CBX8: variants seen among roughly 807,000 people sequenced by gnomAD.
CBX8 encodes the protein chromobox protein homolog 8.
CBX8 carries 8 observed loss-of-function variants against 39.7 expected under a neutral mutation model. The observed-to-expected ratio is 0.20, with a 90% CI of 0.12 to 0.36. CBX8 has a LOEUF of 0.36. Ranked by LOEUF, CBX8 falls within the 10% of genes least tolerant of loss-of-function variation. CBX8 has a pLI of 1.00. For missense variants in CBX8, 505 were observed against 529.6 expected (o/e 0.95, Z 0.46); for synonymous variants, 268 against 219.8 (o/e 1.22, Z -1.94).
rs1003275679 is a variant in CBX8, at chr17:79,796,403, C to CATTGT, written c.113+89_114-89dup. ...TGTGTGTGTGTAACTTTTCTCATTG[C>CATTGT]ATTGTATTGTATTTCAATGTAAAGG... On this transcript the variant is annotated intron_variant, in intron 2 of 4. Transcript: ENST00000269385. The CATTGT allele has an allele frequency of 1.0e-5, 16 of 1,593,354 alleles. No homozygotes were observed. In the African/African-American group the frequency reaches 1.9e-4, roughly 19 times the overall value.
chr17:79,796,483 T>C lies in CBX8; in HGVS notation c.113+14A>G, dbSNP rs1385503705. 4.3e-6 allele frequency: 7 copies of C among 1,614,010 alleles called. No individual in the cohort carries two copies. Among genetic ancestry groups the C allele is most frequent in the East Asian group, 4.5e-5 (2 of 44,892 alleles). ...TAACAGTCTGGGGTTGAGAATTGCATATAACCTACTTACTTCTGCGACCAT... is the reference window on the plus strand; with the variant it reads ...TAACAGTCTGGGGTTGAGAATTGCACATAACCTACTTACTTCTGCGACCAT... On this transcript the variant is annotated intron_variant, in intron 2 of 4. Coordinates refer to ENST00000269385, the MANE Select transcript of CBX8 (RefSeq NM_020649.3).
Position 79,795,566 on chromosome 17 carries a change from AGAG to A in CBX8, c.247-11_247-9del. On this transcript the variant is annotated splice_polypyrimidine_tract_variant and intron_variant, in intron 4 of 4. Coordinates refer to ENST00000269385, the MANE Select transcript of CBX8 (RefSeq NM_020649.3). This position sits in a 1 kb window ranked among gnomAD's most constrained non-coding sequence, Gnocchi z 5.8. ...CTTTGCCTTGGCCTGCGCCTGCAGG[AGAG>A]AAGATGGTCTCAAGAGTGGGGCAGG... is the stretch of plus-strand genomic sequence containing the variant. The A allele has an allele frequency of 6.6e-7, 1 of 1,507,592 alleles. No individual in the cohort carries two copies. Among genetic ancestry groups the A allele is most frequent in the Non-Finnish European group, 8.8e-7 (1 of 1,130,086 alleles). The allele number at this position is 1,507,592 out of a possible 1,614,324, so 93.4% of individuals were successfully genotyped here.
chr17:79,792,680 C>A lies in CBX8; in HGVS notation c.*1955G>T, dbSNP rs2145837033. 6.6e-6 allele frequency: 1 copy of A among 152,332 alleles called. No homozygotes were observed. The highest frequency in any genetic ancestry group is 2.1e-4 in the South Asian group (1 of 4,830). 9.4% of individuals were successfully genotyped at this position (152,332 alleles called of 1,614,324 possible). A position where few individuals can be genotyped will look rare whatever the true frequency, so the allele number is the denominator to read the frequency against. On this transcript the variant is annotated 3_prime_UTR_variant, in exon 5 of 5. Transcript: ENST00000269385. ...CTTCTTTATACAAAGTCTAAAATAC[C>A]AGTTTTACAAATGTGAGTAGATAAA... is the stretch of plus-strand genomic sequence containing the variant.
rs915986116 is a variant in CBX8, at chr17:79,794,425, T to A, written c.*210A>T. On this transcript the variant is annotated 3_prime_UTR_variant, in exon 5 of 5. Transcript: ENST00000269385. The stretch of plus-strand genomic sequence containing the variant: ...AGATATTTTTCTTAAATAACATATT[T>A]ACATCTAATAGAAAATATAACTCTA... 4.1e-5 allele frequency: 15 copies of A among 368,398 alleles called. No homozygotes were observed. Among genetic ancestry groups the A allele is most frequent in the African/African-American group, 2.9e-4 (14 of 47,660 alleles). The allele number at this position is 368,398 out of a possible 1,614,324, so 22.8% of individuals were successfully genotyped here. A position where few individuals can be genotyped will look rare whatever the true frequency, so the allele number is the denominator to read the frequency against.
intron 2 of CBX8, 56 bp from the exon 3 acceptor site, chr17:79,796,371 G>GA: frequency 1.3e-6 from 2 of 1,593,528 alleles, no homozygotes; most frequent in Non-Finnish European, 1.7e-6. Flanking sequence ...TGAGAGCAGA[G>GA]GGGGTGTGTG....
In CBX8 at chr17:79,795,303, G is replaced by C; in HGVS notation, c.502C>G (p.Arg168Gly). The C allele has an allele frequency of 6.3e-7, 1 of 1,588,238 alleles. No homozygotes were observed. Among genetic ancestry groups the C allele is most frequent in the African/African-American group, 1.3e-5 (1 of 74,748 alleles). Residue 168 changes from arginine (R) to glycine (G), a missense_variant, in exon 5 of 5, where the codon CGA (arginine) becomes GGA (glycine). Arg to Gly is a moderately radical substitution (Grantham distance 125). This residue lies in a region of CBX8 where 456 missense variants were observed against 389.2 expected (regional missense o/e 1.17). Coordinates refer to ENST00000269385, the MANE Select transcript of CBX8 (RefSeq NM_020649.3). The surrounding 1 kb of genome is among the most constrained non-coding windows in gnomAD (Gnocchi z 5.8). ...RERDRERERE[R>G]ERERERERER... ...CTCTCACGTTCCCGCTCCCTCTCTC[G>C]CTCCCTCTCCCTTTCTCGATCCCGC...
chr17:79,792,879 C>T lies in CBX8; in HGVS notation c.*1756G>A, dbSNP rs1231828918. 6.6e-6 allele frequency: 1 copy of T among 152,040 alleles called. No homozygotes were observed. Among genetic ancestry groups the T allele is most frequent in the Admixed American group, 6.5e-5 (1 of 15,280 alleles). The allele number at this position is 152,040 out of a possible 1,614,324, so 9.4% of individuals were successfully genotyped here. On this transcript the variant is annotated 3_prime_UTR_variant, in exon 5 of 5. Coordinates refer to ENST00000269385, the MANE Select transcript of CBX8 (RefSeq NM_020649.3). ...AGGCTGGGGTTCCCTCCCAGCACCC[C>T]CCACCCCACGCGAAGCTCCCCCACC...
rs200821578 is a variant in CBX8, at chr17:79,795,333, G to A, written c.472C>T (p.Arg158Trp). The change falls in exon 5 of 5, where the codon CGG (arginine) becomes TGG (tryptophan). Residue 158 changes from arginine to tryptophan, a missense_variant. Arg to Trp is a moderately radical substitution (Grantham distance 101, BLOSUM62 -3). Coordinates refer to ENST00000269385, the MANE Select transcript of CBX8 (RefSeq NM_020649.3). This position sits in a 1 kb window ranked among gnomAD's most constrained non-coding sequence, Gnocchi z 5.8. ...CTCTCCCTTTCTCGATCCCGCTCCC[G>A]GTCCCTATCCCGGTCTCGGTCCCGG... Reference protein sequence around the residue: ...RDRDRDRDRDRERDRERERER... With the variant: ...RDRDRDRDRDWERDRERERER... The A allele has an allele frequency of 7.6e-6, 12 of 1,583,516 alleles. No individual in the cohort carries two copies. Among genetic ancestry groups the A allele is most frequent in the East Asian group, 6.8e-5 (3 of 43,834 alleles).
chr17:79,794,483 GGAA>G lies in CBX8; in HGVS notation c.*149_*151del. On this transcript the variant is annotated 3_prime_UTR_variant, in exon 5 of 5. Coordinates refer to ENST00000269385, the MANE Select transcript of CBX8 (RefSeq NM_020649.3). ...TCTTTCCAACAAAAACTGAGGGGGA[GGAA>G]GGAGGGATGAAAGGGGCTGGTGGGG... is the stretch of plus-strand genomic sequence containing the variant. The G allele has an allele frequency of 1.9e-6, 1 of 526,320 alleles. No homozygotes were observed. The allele number at this position is 526,320 out of a possible 1,614,324, so 32.6% of individuals were successfully genotyped here. A position where few individuals can be genotyped will look rare whatever the true frequency, so the allele number is the denominator to read the frequency against.
At position 79,794,206 on chromosome 17, in the gene CBX8, G is replaced by A. The variant is rs1907982482; in HGVS notation, c.*429C>T. Reference sequence around the variant, plus strand: ...AGTCTGGCATTGGGCTGTGGGAGAAGGGAGGAGGGGTGAGGTGGGCAGGCC... The same window carrying A: ...AGTCTGGCATTGGGCTGTGGGAGAAAGGAGGAGGGGTGAGGTGGGCAGGCC... On this transcript the variant is annotated 3_prime_UTR_variant, in exon 5 of 5. Transcript: ENST00000269385. 2.0e-5 allele frequency: 3 copies of A among 152,340 alleles called. No homozygotes were observed. The South Asian group carries it at 6.2e-4, about 32-fold the overall frequency. The allele number at this position is 152,340 out of a possible 1,614,324, so 9.4% of individuals were successfully genotyped here. A position where few individuals can be genotyped will look rare whatever the true frequency, so the allele number is the denominator to read the frequency against.
chr17:79,794,756 G>C lies in CBX8; in HGVS notation c.1049C>G (p.Ser350Cys). 1.2e-6 allele frequency: 2 copies of C among 1,613,144 alleles called. No homozygotes were observed. Among genetic ancestry groups the C allele is most frequent in the Non-Finnish European group, 1.7e-6 (2 of 1,179,186 alleles). ...CAGGTTAGTCAGGGAGGGGCTCCAG[G>C]ACTCTTCCTCCGGGTCCCCCAGGAT... is the stretch of plus-strand genomic sequence containing the variant. ...ARILGDPEEE[S>C]WSPSLTNLEK... Residue 350 changes from serine to cysteine, a missense_variant, in exon 5 of 5, where the codon TCC (serine) becomes TGC (cysteine). Ser to Cys is a moderately radical substitution (Grantham distance 112). Around this residue, in one of 3 missense-constraint regions of CBX8, gnomAD observed 456 missense variants for 389.2 expected, o/e 1.17. Coordinates refer to ENST00000269385, the MANE Select transcript of CBX8 (RefSeq NM_020649.3).
In CBX8 at chr17:79,795,099, A is replaced by G. The variant is rs1458773035; in HGVS notation, c.706T>C (p.Ser236Pro). The G allele has an allele frequency of 6.2e-7, 1 of 1,612,300 alleles. No individual in the cohort carries two copies. Among genetic ancestry groups the G allele is most frequent in the Non-Finnish European group, 8.5e-7 (1 of 1,179,344 alleles). ...LKGRKLDDTP[S>P]GAGKFPAGHS... ...CCGGCTGGAAACTTTCCTGCCCCGG[A>G]AGGGGTGTCGTCCAGCTTCCTGCCC... The change falls in exon 5 of 5, where the codon TCC becomes CCC. Residue 236 changes from serine to proline, a missense_variant. By Grantham distance (74) the Ser-to-Pro change is moderately conservative. Coordinates refer to ENST00000269385, the MANE Select transcript of CBX8 (RefSeq NM_020649.3). This position sits in a 1 kb window ranked among gnomAD's most constrained non-coding sequence, Gnocchi z 5.8.
At position 79,794,547 on chromosome 17, in the gene CBX8, C is replaced by A; in HGVS notation, c.*88G>T. The A allele has an allele frequency of 9.3e-7, 1 of 1,070,024 alleles. No individual in the cohort carries two copies. The highest frequency in any genetic ancestry group is 1.4e-6 in the Non-Finnish European group (1 of 740,508). The allele number at this position is 1,070,024 out of a possible 1,614,324, so 66.3% of individuals were successfully genotyped here. A position where few individuals can be genotyped will look rare whatever the true frequency, so the allele number is the denominator to read the frequency against. On this transcript the variant is annotated 3_prime_UTR_variant, in exon 5 of 5. Coordinates refer to ENST00000269385, the MANE Select transcript of CBX8 (RefSeq NM_020649.3). ...ATCAGGGACGGGACCAGCCAAAAGG[C>A]CACATCCCACCCAGAAATAAAAATC...
In CBX8 at chr17:79,795,102, G is replaced by C. The variant is rs143582959; in HGVS notation, c.703C>G (p.Pro235Ala). ...YLKGRKLDDT[P>A]SGAGKFPAGH... ...GCTGGAAACTTTCCTGCCCCGGAAG[G>C]GGTGTCGTCCAGCTTCCTGCCCTTG... Residue 235 changes from proline to alanine, a missense_variant, in exon 5 of 5, where the codon CCT (proline) becomes GCT (alanine). Around this residue, in one of 3 missense-constraint regions of CBX8, gnomAD observed 456 missense variants for 389.2 expected, o/e 1.17. Transcript: ENST00000269385. The surrounding 1 kb of genome is among the most constrained non-coding windows in gnomAD (Gnocchi z 5.8). 5 of 1,612,646 alleles carry C rather than the reference G, an allele frequency of 3.1e-6. No individual in the cohort carries two copies. Among genetic ancestry groups the C allele is most frequent in the Admixed American group, 1.7e-5 (1 of 59,842 alleles).
chr17:79,795,051 G>T lies in CBX8; in HGVS notation c.754C>A (p.Arg252=), dbSNP rs1387696187. Residue 252 remains arginine (R), a synonymous_variant, in exon 5 of 5, where the codon CGA becomes AGA. Transcript: ENST00000269385. This position sits in a 1 kb window ranked among gnomAD's most constrained non-coding sequence, Gnocchi z 5.8. ...PAGHSVIQLA[R]RQDSDLVQCG... ...TGCACCAGGTCCGAGTCCTGTCTTC[G>T]GGCCAGCTGGATCACACTGTGGCCG... 1.9e-6 allele frequency: 3 copies of T among 1,607,096 alleles called. No individual in the cohort carries two copies. Among genetic ancestry groups the T allele is most frequent in the African/African-American group, 1.3e-5 (1 of 74,808 alleles).
In CBX8 at chr17:79,796,126, GGAGA is replaced by G. The variant is rs1377043379; in HGVS notation, c.180-7_180-4del. The G allele has an allele frequency of 1.2e-6, 2 of 1,613,958 alleles. No individual in the cohort carries two copies. The highest frequency in any genetic ancestry group is 2.7e-5 in the African/African-American group (2 of 74,886). On this transcript the variant is annotated splice_polypyrimidine_tract_variant and splice_region_variant and intron_variant, in intron 3 of 4. Transcript: ENST00000269385. ...CATAGAGCTCCATCTCTCTTTCCCTGGAGAAAGAAGAAAAGGAGAAAGGGTGCGT... is the reference window on the plus strand; with the variant it reads ...CATAGAGCTCCATCTCTCTTTCCCTGAAGAAGAAAAGGAGAAAGGGTGCGT...
chr17:79,794,489 A>T lies in CBX8; in HGVS notation c.*146T>A, dbSNP rs1284505116. On this transcript the variant is annotated 3_prime_UTR_variant, in exon 5 of 5. Transcript: ENST00000269385. Reference sequence around the variant, plus strand: ...CAACAAAAACTGAGGGGGAGGAAGGAGGGATGAAAGGGGCTGGTGGGGTGG... The same window carrying T: ...CAACAAAAACTGAGGGGGAGGAAGGTGGGATGAAAGGGGCTGGTGGGGTGG... 5.7e-6 allele frequency: 3 copies of T among 530,360 alleles called. No homozygotes were observed. The African/African-American group carries it at 5.8e-5, about 10-fold the overall frequency. 32.9% of individuals were successfully genotyped at this position (530,360 alleles called of 1,614,324 possible).
At position 79,797,047 on chromosome 17, in the gene CBX8, G is replaced by A; in HGVS notation, c.-49C>T. On this transcript the variant is annotated 5_prime_UTR_variant, in exon 1 of 5. Transcript: ENST00000269385. ...GGCCGCTTCCAGGAGCAGAAAAGCA[G>A]CAGCCAGCGCACGACAGACCATAAT... is the stretch of plus-strand genomic sequence containing the variant. The A allele has an allele frequency of 2.6e-6, 4 of 1,567,132 alleles. No individual in the cohort carries two copies. Among genetic ancestry groups the A allele is most frequent in the Non-Finnish European group, 3.5e-6 (4 of 1,151,286 alleles).
intron 4 of CBX8, 38 bp downstream of exon 4, chr17:79,796,019 A>AT (rs759487299): frequency 9.4e-6 from 15 of 1,596,692 alleles, no homozygotes; most frequent in African/African-American, 4.0e-5. Context: ...AAATCACTCC[A>AT]TAACATGGTC....
Sources: gnomAD v4.1 joint callset for allele counts on GRCh38, gnomAD v4.1.1 for gene constraint, gnomAD v4.1.1 regional missense constraint, Gnocchi (gnomAD v3.1) non-coding constraint, MANE v1.5 for transcripts, NCBI Gene and HGNC (gene_info 2026-07-23, HGNC 2026-07-21) for gene names.